PARD3B: variants seen among roughly 807,000 people sequenced by gnomAD.
The protein encoded by PARD3B is par-3 family cell polarity regulator beta.
In PARD3B, 103 loss-of-function variants were observed where a neutral mutation model predicts 130.2. The observed-to-expected ratio is 0.79, with a 90% confidence interval of 0.67 to 0.93. The LOEUF is 0.93. Among genes scored for constraint, PARD3B ranks in the 40% least tolerant of loss-of-function variants. The pLI, the probability that PARD3B is intolerant of heterozygous loss-of-function variation, is 0.00. For synonymous variants in PARD3B, 583 were observed against 553.2 expected (o/e 1.05, Z -0.76); for missense variants, 1,609 against 1,499.2 (o/e 1.07, Z -1.21).
At chr2:205,455,927 T>A (rs151045378) in intron 20 of PARD3B, among the ~76,000 whole-genome samples, 1 of 152,078 alleles carries the variant, frequency 6.6e-6, no homozygotes, top group Non-Finnish European at 1.5e-5. Flanking sequence ...TCCCTCATAC[T>A]ACTCCTTTAC....
In PARD3B at chr2:205,118,978, A is replaced by G. The variant is rs371117921; in HGVS notation, c.738A>G (p.Gly246=). The G allele has an allele frequency of 6.2e-7, 1 of 1,612,692 alleles. No individual in the cohort carries two copies. The highest frequency in any genetic ancestry group is 8.5e-7 in the Non-Finnish European group (1 of 1,179,462). ...IEDNSRSKRE[G]LFHENECIVK... is the part of the protein sequence containing the mutation. ...ACAACAGCAGGTCCAAGCGGGAGGG[A>G]CTATTTCACGAAAATGAATGTATTG... Residue 246 remains glycine, a synonymous_variant, in exon 7 of 23, where the codon GGA becomes GGG. Coordinates refer to ENST00000406610, the MANE Select transcript of PARD3B (RefSeq NM_001302769.2).
intron 1 of PARD3B, among the ~76,000 whole-genome samples, chr2:204,549,935 A>C (rs201228416): frequency 1.3e-5 from 2 of 150,114 alleles, no homozygotes; most frequent in African/African-American, 4.8e-5. Context: ...TTAAAAAAAA[A>C]CAAACAAATA....
At chr2:205,307,245 A>T (rs997167182) in intron 18 of PARD3B, among the ~76,000 whole-genome samples, 2 of 152,098 alleles carry the variant, frequency 1.3e-5, no homozygotes, top group Admixed American at 1.3e-4. Context: ...TCTTAATTTA[A>T]CCTACTCTTG....
Position 205,012,205 on chromosome 2 carries a change from T to C in PARD3B, c.395-35376T>C, listed in dbSNP as rs114753710. Among the ~76,000 whole-genome samples, 1,517 of 152,290 alleles carry C rather than the reference T, an allele frequency of 1.0e-2. 17 individuals carry two copies. The highest frequency in any genetic ancestry group is 0.013 in the Non-Finnish European group (854 of 68,032). On this transcript the variant is annotated intron_variant, in intron 3 of 22. Transcript: ENST00000406610. ...TCTTCCAACATTTTGTTAACATCACTCATCTCCACTCATTTTCTCCTGGTT... is the reference window on the plus strand; with the variant it reads ...TCTTCCAACATTTTGTTAACATCACCCATCTCCACTCATTTTCTCCTGGTT...
At chr2:205,521,980 A>G (rs867715684) in intron 21 of PARD3B, among the ~76,000 whole-genome samples, 21 of 152,072 alleles carry the variant, frequency 1.4e-4, no homozygotes, top group South Asian at 6.2e-4. Flanking sequence ...TGATAGATAC[A>G]GATATTTGGA....
At chr2:205,430,308 A>G (rs2047285259) in intron 19 of PARD3B, among the ~76,000 whole-genome samples, 1 of 152,230 alleles carries the variant, frequency 6.6e-6, no homozygotes, top group South Asian at 2.1e-4. Flanking sequence ...CCTGTTGTTT[A>G]ACGGTCAACT....
intron 1 of PARD3B, among the ~76,000 whole-genome samples, chr2:204,613,185 G>A (rs1332478861): frequency 2.0e-5 from 3 of 151,996 alleles, no homozygotes; most frequent in Admixed American, 6.6e-5. Context: ...TGACATTTAT[G>A]TCTGAAAATG....
intron 3 of PARD3B, among the ~76,000 whole-genome samples, chr2:205,005,183 A>G (rs540857565): frequency 6.6e-6 from 1 of 152,158 alleles, no homozygotes; most frequent in African/African-American, 2.4e-5. Flanking sequence ...ACACACACAT[A>G]TACACACAGA....
intron 2 of PARD3B, among the ~76,000 whole-genome samples, chr2:204,805,019 A>T (rs563649039): frequency 1.3e-5 from 2 of 152,184 alleles, no homozygotes; most frequent in African/African-American, 4.8e-5. Flanking sequence ...ACAACTTAAT[A>T]ATGCATGTGA....
chr2:205,381,267 A>G (rs2045436920), intron 18 of PARD3B, among the ~76,000 whole-genome samples: 1 of 141,820 alleles, frequency 7.1e-6, no homozygotes, highest in African/African-American at 2.6e-5. Flanking sequence ...TATATAATAT[A>G]TATGTGGACA....
intron 2 of PARD3B, among the ~76,000 whole-genome samples, chr2:204,947,501 A>G (rs1477880211): frequency 1.3e-5 from 2 of 152,164 alleles, no homozygotes; most frequent in Non-Finnish European, 2.9e-5. Context: ...TACAGTACAT[A>G]GGACAACTCT....
chr2:204,561,322 T>G (rs1574463508), intron 1 of PARD3B, among the ~76,000 whole-genome samples: 1 of 152,186 alleles, frequency 6.6e-6, no homozygotes, highest in East Asian at 1.9e-4. Context: ...TTGATATGGG[T>G]GGCTTTTAGA....
intron 2 of PARD3B, among the ~76,000 whole-genome samples, chr2:204,703,753 C>T (rs766095521): frequency 5.3e-5 from 8 of 152,160 alleles, no homozygotes; most frequent in Non-Finnish European, 1.2e-4. Context: ...GATTCTGCTT[C>T]ATGTCCCACC....
chr2:205,119,831 G>A (rs1463928120), intron 7 of PARD3B, among the ~76,000 whole-genome samples: 1 of 152,080 alleles, frequency 6.6e-6, no homozygotes, highest in South Asian at 2.1e-4. Flanking sequence ...TCATCTTTCT[G>A]CATGTGAAAA....
chr2:204,602,725 C>T (rs957423623), intron 1 of PARD3B, among the ~76,000 whole-genome samples: 8 of 152,144 alleles, frequency 5.3e-5, no homozygotes, highest in East Asian at 1.9e-4. Flanking sequence ...ACAAATATAA[C>T]GTACAGACCA....
At chr2:205,041,854 T>A (rs1575617538) in intron 3 of PARD3B, among the ~76,000 whole-genome samples, 1 of 152,200 alleles carries the variant, frequency 6.6e-6, no homozygotes, top group East Asian at 1.9e-4. Context: ...TCATATGTTA[T>A]GTGATTCTTC....
chr2:204,807,298 G>A (rs1021358121), intron 2 of PARD3B, among the ~76,000 whole-genome samples: 1 of 152,128 alleles, frequency 6.6e-6, no homozygotes, highest in African/African-American at 2.4e-5. Flanking sequence ...ACAATGAGAT[G>A]TTTCACCTCA....
intron 22 of PARD3B, among the ~76,000 whole-genome samples, chr2:205,565,570 A>G (rs1310383321): frequency 3.3e-5 from 5 of 152,170 alleles, no homozygotes; most frequent in Admixed American, 1.3e-4. Flanking sequence ...CAAGTCACTT[A>G]TGTTACCATC....
intron 18 of PARD3B, among the ~76,000 whole-genome samples, chr2:205,344,486 T>C (rs547490279): frequency 3.9e-5 from 6 of 152,144 alleles, no homozygotes; most frequent in Non-Finnish European, 7.3e-5. Flanking sequence ...TATCAACTTA[T>C]GACATCAACT....
Sources: gnomAD v4.1 joint callset for allele counts (sites outside exome capture counted in the v4.1 genomes callset) on GRCh38, gnomAD v4.1.1 for gene constraint, MANE v1.5 for transcripts, NCBI Gene and HGNC (gene_info 2026-07-23, HGNC 2026-07-21) for gene names.